Variants in SNX8 observed in about 807,000 individuals in gnomAD.
SNX8 encodes sorting nexin-8.
A neutral mutation model predicts 51.6 loss-of-function variants in SNX8; 25 were observed. The ratio of observed to expected loss-of-function variants is 0.48; its 90% CI spans 0.35 to 0.68. The LOEUF (loss-of-function observed/expected upper bound fraction) is 0.68. Ranked by LOEUF, SNX8 falls within the 30% of genes least tolerant of loss-of-function variation. SNX8 has a pLI of 0.00. For synonymous variants in SNX8, 324 were observed against 277.0 expected (o/e 1.17, Z -1.68); for missense variants, 695 against 624.0 (o/e 1.11, Z -1.21).
chr7:2,309,165 T>C (rs1183134264), intron 1 of SNX8, among the ~76,000 whole-genome samples: 1 of 152,084 alleles, frequency 6.6e-6, no homozygotes, highest in Non-Finnish European at 1.5e-5. Flanking sequence ...CCTGAAGTGA[T>C]CCTCCTGCCT....
At chr7:2,284,591 A>G (rs556488802) in intron 1 of SNX8, among the ~76,000 whole-genome samples, 1 of 151,242 alleles carries the variant, frequency 6.6e-6, no homozygotes, top group Non-Finnish European at 1.5e-5. Flanking sequence ...TTTTTAGTAG[A>G]GACAGGTTTT....
intron 1 of SNX8, among the ~76,000 whole-genome samples, chr7:2,300,747 A>C (rs568968732): frequency 2.0e-4 from 30 of 151,988 alleles, no homozygotes; most frequent in African/African-American, 7.2e-4. Context: ...GGTTCAAATG[A>C]TTCTCCTGCC....
intron 5 of SNX8, among the ~76,000 whole-genome samples, chr7:2,266,813 G>A (rs540937846): frequency 4.6e-5 from 7 of 152,222 alleles, no homozygotes; most frequent in South Asian, 2.1e-4. Flanking sequence ...GAGCCACCGC[G>A]CCAGCCTGAA....
upstream of SNX8, chr7:2,314,479 G>GC: frequency 8.5e-7 from 1 of 1,181,568 alleles, no homozygotes; most frequent in Non-Finnish European, 1.0e-6. Context: ...CAGCCCTGCC[G>GC]CGCCGCGCCC....
Position 2,278,250 on chromosome 7 carries a change from G to T in SNX8, c.150C>A (p.Ala50=), listed in dbSNP as rs556136903. The T allele has an allele frequency of 2.1e-5, 33 of 1,608,918 alleles. No homozygotes were observed. Among genetic ancestry groups the T allele is most frequent in the South Asian group, 8.8e-5 (8 of 90,740 alleles). Residue 50 remains alanine, a synonymous_variant, in exon 2 of 11, where the codon GCC becomes GCA. Coordinates refer to ENST00000222990, the MANE Select transcript of SNX8 (RefSeq NM_013321.4). The stretch of plus-strand genomic sequence containing the variant: ...CCTGCGGCATCTGCATTCGACTGGG[G>T]GCTGGGACCTGCTGCACGATGGCCT... The part of the protein sequence containing the change: ...EPQAIVQQVP[A]PSRMQMPQGN...
intron 3 of SNX8, among the ~76,000 whole-genome samples, chr7:2,274,404 C>G (rs1689145461): frequency 6.6e-6 from 1 of 152,252 alleles, no homozygotes; most frequent in Admixed American, 6.5e-5. Flanking sequence ...CAGCTCTAAG[C>G]ACTCATTTCC....
Position 2,278,231 on chromosome 7 carries a change from G to A in SNX8, c.169C>T (p.Pro57Ser). The stretch of plus-strand genomic sequence containing the variant: ...GACAGCAGCAGCGGGTTCCCCTGCG[G>A]CATCTGCATTCGACTGGGGGCTGGG... ...QVPAPSRMQMPQGNPLLLSHT... is the reference protein window; with the variant it reads ...QVPAPSRMQMSQGNPLLLSHT... The change falls in exon 2 of 11, where the codon CCG (proline) becomes TCG (serine). Residue 57 changes from proline (P) to serine (S), a missense_variant. Pro to Ser is a moderately conservative substitution (Grantham distance 74, BLOSUM62 -1). Transcript: ENST00000222990. 1.2e-6 allele frequency: 2 copies of A among 1,612,100 alleles called. No individual in the cohort carries two copies. Among genetic ancestry groups the A allele is most frequent in the Non-Finnish European group, 1.7e-6 (2 of 1,178,728 alleles).
At chr7:2,344,425 G>C (rs1398650925) in intron 1 of SNX8, among the ~76,000 whole-genome samples, 11 of 149,728 alleles carry the variant, frequency 7.3e-5, no homozygotes, top group South Asian at 2.1e-4. Context: ...TCCTGGCTGA[G>C]ATGGTGAAAC....
At chr7:2,278,421 A>G in intron 1 of SNX8, 116 bp from the exon 2 acceptor site, 1 of 633,868 alleles carries the variant, frequency 1.6e-6, no homozygotes, top group East Asian at 2.8e-5. Context: ...AGGAGGGAGT[A>G]TCACTTGAGC....
chr7:2,342,288 C>G (rs1055429490), intron 1 of SNX8, among the ~76,000 whole-genome samples: 5 of 152,030 alleles, frequency 3.3e-5, no homozygotes, highest in Non-Finnish European at 7.4e-5. Context: ...ATGTTCAACA[C>G]GCAAGATGGA....
chr7:2,315,080 T>C (rs561605672), upstream of SNX8, among the ~76,000 whole-genome samples: 21 of 150,394 alleles, frequency 1.4e-4, no homozygotes, highest in African/African-American at 2.2e-4. Context: ...ACTCACTCAC[T>C]GCATCCTACA....
intron 1 of SNX8, among the ~76,000 whole-genome samples, chr7:2,343,926 A>G (rs1482161558): frequency 1.3e-5 from 2 of 151,314 alleles, no homozygotes; most frequent in African/African-American, 4.9e-5. Context: ...CCAGCTACTC[A>G]GGAGGCTGAG....
intron 1 of SNX8, among the ~76,000 whole-genome samples, chr7:2,322,886 G>T (rs1778554278): frequency 6.6e-6 from 1 of 151,466 alleles, no homozygotes; most frequent in South Asian, 2.1e-4. Flanking sequence ...GCGTGGTGGT[G>T]GGCACCTGTT....
chr7:2,259,499 G>A (rs1795285044), intron 7 of SNX8, among the ~76,000 whole-genome samples: 1 of 152,190 alleles, frequency 6.6e-6, no homozygotes, highest in Non-Finnish European at 1.5e-5. Flanking sequence ...AGTTTTACGG[G>A]ACACAGCCCT....
At chr7:2,303,172 G>C (rs866326210) in intron 1 of SNX8, among the ~76,000 whole-genome samples, 1 of 147,560 alleles carries the variant, frequency 6.8e-6, no homozygotes, top group Admixed American at 6.7e-5. Flanking sequence ...CTGCCCAGCC[G>C]TCCCTACTGG....
chr7:2,264,455 A>G lies in SNX8; in HGVS notation c.625T>C (p.Phe209Leu). ...NCKLATRAKD[F>L]LPADIQAQFA... is the part of the protein sequence containing the mutation. ...TGAGCCTGGATGTCAGCTGGGAGGA[A>G]GTCCTGACATCATGATGGGGGGAGA... Residue 209 changes from phenylalanine (F) to leucine (L), a missense_variant, in exon 6 of 11, where the codon TTC becomes CTC. Phe to Leu is a conservative substitution (Grantham distance 22). Coordinates refer to ENST00000222990, the MANE Select transcript of SNX8 (RefSeq NM_013321.4). The G allele has an allele frequency of 6.2e-7, 1 of 1,609,816 alleles. No homozygotes were observed.
At chr7:2,318,434 GA>G (rs1796786936), upstream of SNX8, among the ~76,000 whole-genome samples, 1 of 151,416 alleles carries the variant, frequency 6.6e-6, no homozygotes, top group Admixed American at 6.6e-5. Flanking sequence ...TGAGGCAGGA[GA>G]ATGGTGTGAA....
chr7:2,278,065 CT>C (rs752389423), intron 2 of SNX8, 34 bp downstream of exon 2: 3 of 1,601,032 alleles, frequency 1.9e-6, no homozygotes, highest in East Asian at 4.5e-5. Context: ...TTTCTTCCCC[CT>C]CCTGCCCCGA....
chr7:2,352,877 C>T (rs930356032), intron 1 of SNX8, among the ~76,000 whole-genome samples: 4 of 152,074 alleles, frequency 2.6e-5, no homozygotes, highest in Middle Eastern at 3.4e-3. Flanking sequence ...TGTACAGATG[C>T]GGAAACTGAG....
Sources: gnomAD v4.1 joint callset for allele counts (sites outside exome capture counted in the v4.1 genomes callset) on GRCh38, gnomAD v4.1.1 for gene constraint, MANE v1.5 for transcripts, NCBI Gene and HGNC (gene_info 2026-07-23, HGNC 2026-07-21) for gene names.